The following KDM5B variants were observed in gnomAD, a reference collection of about 807,000 sequenced individuals.
KDM5B encodes lysine-specific demethylase 5B.
In KDM5B, 144 loss-of-function variants were observed where a neutral mutation model predicts 193.4. That is an observed-to-expected ratio of 0.74 (90% confidence interval 0.65 to 0.86). The LOEUF (loss-of-function observed/expected upper bound fraction) is 0.86, where lower values mean the gene tolerates loss of function less well. Among genes scored for constraint, KDM5B ranks in the 40% least tolerant of loss-of-function variants. KDM5B has a pLI of 0.00. For synonymous variants in KDM5B, 668 were observed against 682.6 expected, an observed-to-expected ratio of 0.98 and a Z score of 0.33; for missense variants, 1,833 against 1,886.9, an observed-to-expected ratio of 0.97 and a Z score of 0.53.
intron 8 of KDM5B, among the ~76,000 whole-genome samples, chr1:202,759,716 C>T (rs533990530): frequency 6.6e-6 from 1 of 152,080 alleles, no homozygotes; most frequent in South Asian, 2.1e-4. Flanking sequence ...TAATGTAGCT[C>T]CATTTGTTTA....
intron 4 of KDM5B, among the ~76,000 whole-genome samples, chr1:202,771,592 A>T (rs1021177942): frequency 4.9e-5 from 7 of 143,484 alleles, no homozygotes; most frequent in Non-Finnish European, 9.2e-5. Flanking sequence ...TATTTTATTT[A>T]TTTTTTTTGA....
intron 14 of KDM5B, 100 bp from the exon 15 acceptor site, chr1:202,746,423 AGCTTTACC>A: frequency 7.0e-6 from 5 of 719,182 alleles, no homozygotes; most frequent in Non-Finnish European, 8.5e-6. Flanking sequence ...AAAAAAAAAA[AGCTTTACC>A]AAAATAGGGA....
At chr1:202,794,878 G>A (rs1257882749) in intron 1 of KDM5B, among the ~76,000 whole-genome samples, 3 of 152,120 alleles carry the variant, frequency 2.0e-5, no homozygotes, top group Non-Finnish European at 2.9e-5. Flanking sequence ...ATTAGGCACA[G>A]TTAGAGATTA....
At chr1:202,807,648 CCCCCA>C (rs1658358928) in intron 1 of KDM5B, among the ~76,000 whole-genome samples, 1 of 143,692 alleles carries the variant, frequency 7.0e-6, no homozygotes, top group Non-Finnish European at 1.5e-5. Flanking sequence ...AAGTCCCCCA[CCCCCA>C]CCCCACCCCA....
Position 202,725,821 on chromosome 1 carries a change from T to C in KDM5B, c.*3215A>G, listed in dbSNP as rs940701938. 2 of 152,240 alleles carry C rather than the reference T, an allele frequency of 1.3e-5. No individual in the cohort carries two copies. Among genetic ancestry groups the C allele is most frequent in the African/African-American group, 2.4e-5 (1 of 41,448 alleles). 9.4% of individuals were successfully genotyped at this position (152,240 alleles called of 1,614,324 possible). On this transcript the variant is annotated 3_prime_UTR_variant, in exon 27 of 27. Transcript: ENST00000367265. ...AATTCTGTCTCCTGTTACAGGTATA[T>C]AGCATCTGGAATCCATTCCGGTATG...
At chr1:202,729,335 C>T in intron 26 of KDM5B, 162 bp from the exon 27 acceptor site, 1 of 736,358 alleles carries the variant, frequency 1.4e-6, no homozygotes, top group Non-Finnish European at 2.2e-6. Flanking sequence ...TAGCTGGCCC[C>T]CTAGCCAAAG....
At chr1:202,742,944 A>G in intron 16 of KDM5B, 139 bp from the exon 17 acceptor site, 1 of 734,618 alleles carries the variant, frequency 1.4e-6, no homozygotes. Context: ...TAAATTATTA[A>G]CAAATTTGTT....
intron 13 of KDM5B, 64 bp downstream of exon 13, chr1:202,750,595 T>C: frequency 6.4e-7 from 1 of 1,568,634 alleles, no homozygotes; most frequent in Non-Finnish European, 8.7e-7. Flanking sequence ...TTTAAAACAT[T>C]ATATTCCATT....
rs1656306180 is a variant in KDM5B, at chr1:202,762,808, T to A, written c.809A>T (p.Glu270Val). The A allele has an allele frequency of 6.4e-7, 1 of 1,560,170 alleles. No individual in the cohort carries two copies. Among genetic ancestry groups the A allele is most frequent in the Admixed American group, 1.7e-5 (1 of 59,846 alleles). ...CTTGATGCTACTCTTCATTTCTTTCTCTGTAGGAGGCAATCCAAAATTAGC... is the reference window on the plus strand; with the variant it reads ...CTTGATGCTACTCTTCATTTCTTTCACTGTAGGAGGCAATCCAAAATTAGC... Reference protein sequence around the residue: ...MGCPTPKCENEKEMKSSIKQE... With the variant: ...MGCPTPKCENVKEMKSSIKQE... Residue 270 changes from glutamate (E) to valine (V), a missense_variant and splice_region_variant, in exon 7 of 27, where the codon GAG (glutamate) becomes GTG (valine). Physicochemically the swap from Glu to Val is moderately radical, Grantham distance 121. This residue lies in a region of KDM5B where 355 missense variants were observed against 374.9 expected (regional missense o/e 0.95). Transcript: ENST00000367265.
chr1:202,782,209 G>C (rs984270694), intron 1 of KDM5B, among the ~76,000 whole-genome samples: 1 of 152,136 alleles, frequency 6.6e-6, no homozygotes, highest in Non-Finnish European at 1.5e-5. Context: ...TATAAAGAAT[G>C]AGAGAAGAGA....
Position 202,756,355 on chromosome 1 carries a change from T to C in KDM5B, c.1356+3A>G. On this transcript the variant is annotated splice_donor_region_variant and intron_variant, in intron 10 of 26. Coordinates refer to ENST00000367265, the MANE Select transcript of KDM5B (RefSeq NM_006618.5). ...TCAATTTCCAAGCCACTTATATGCC[T>C]ACCTCTTCCTCAGGTGAGAGTTTGA... is the stretch of plus-strand genomic sequence containing the variant. 3 of 1,602,416 alleles carry C rather than the reference T, an allele frequency of 1.9e-6. No homozygotes were observed. The highest frequency in any genetic ancestry group is 2.2e-5 in the East Asian group (1 of 44,722).
rs1654977656 is a variant in KDM5B, at chr1:202,733,626, T to C, written c.3684A>G (p.Pro1228=). 5.0e-6 allele frequency: 8 copies of C among 1,614,010 alleles called. No homozygotes were observed. Among genetic ancestry groups the C allele is most frequent in the Admixed American group, 3.3e-5 (2 of 59,982 alleles). The stretch of plus-strand genomic sequence containing the variant: ...CGAGCAGGGGCAGAATTTTCTCTAA[T>C]GGAGGTTTCTCTGACCTCCGACAAT... ...CPHCRRSEKP[P]LEKILPLLAS... is the part of the protein sequence containing the mutation. The change falls in exon 23 of 27, where the codon CCA becomes CCG. Residue 1228 remains proline, a synonymous_variant. Transcript: ENST00000367265.
At position 202,762,251 on chromosome 1, in the gene KDM5B, TCTTC is replaced by T. The variant is rs1656280943; in HGVS notation, c.918+444_918+447del. Reference sequence around the variant, plus strand: ...TCCTTTTCATTCCTTCCTTCCTTCCTCTTCCTTCTTCCTTTCTCTTTTTTGTTCC... The same window carrying T: ...TCCTTTTCATTCCTTCCTTCCTTCCTCTTCTTCCTTTCTCTTTTTTGTTCC... On this transcript the variant is annotated intron_variant, in intron 7 of 26. Transcript: ENST00000367265. Among the ~76,000 whole-genome samples the T allele has an allele frequency of 3.9e-5, 6 of 152,120 alleles. No individual in the cohort carries two copies. The South Asian group carries it at 1.2e-3, about 31-fold the overall frequency.
At chr1:202,760,318 A>T (rs1281666108) in intron 8 of KDM5B, 97 bp downstream of exon 8, 10 of 902,768 alleles carry the variant, frequency 1.1e-5, no homozygotes, top group African/African-American at 1.8e-5. Flanking sequence ...CTTGTCTAAA[A>T]AAAATAAAAT....
rs369066905 is a variant in KDM5B, at chr1:202,735,621, T to C, written c.3265-34A>G. 5.0e-6 allele frequency: 8 copies of C among 1,591,860 alleles called. No homozygotes were observed. The African/African-American group carries it at 9.5e-5, about 19-fold the overall frequency. ...GGACAAGGCACAACCAATGGTAAAA[T>C]AAATTTCAGATAAAGCATTATGTAG... On this transcript the variant is annotated intron_variant, in intron 21 of 26. Coordinates refer to ENST00000367265, the MANE Select transcript of KDM5B (RefSeq NM_006618.5).
At chr1:202,787,733 A>C (rs1007598049) in intron 1 of KDM5B, among the ~76,000 whole-genome samples, 3 of 152,026 alleles carry the variant, frequency 2.0e-5, no homozygotes, top group African/African-American at 7.2e-5. Flanking sequence ...AAAAAAAAAA[A>C]ATACAAAAAA....
At chr1:202,767,776 GTC>G (rs1346116621) in intron 4 of KDM5B, among the ~76,000 whole-genome samples, 2 of 152,048 alleles carry the variant, frequency 1.3e-5, no homozygotes, top group Non-Finnish European at 2.9e-5. Context: ...GGCCATAACA[GTC>G]TCAAGGCATT....
At chr1:202,806,757 T>A (rs1490018831) in intron 1 of KDM5B, 2 of 151,916 alleles carry the variant, frequency 1.3e-5, no homozygotes, top group Non-Finnish European at 2.9e-5. Context: ...CAAAATGTCA[T>A]TACAAAAAGC....
At chr1:202,804,858 T>G (rs1658220647) in intron 1 of KDM5B, among the ~76,000 whole-genome samples, 1 of 129,238 alleles carries the variant, frequency 7.7e-6, no homozygotes, top group African/African-American at 2.8e-5. Flanking sequence ...AGAGCAAAAT[T>G]CCGTCTCAAA....
Sources: gnomAD v4.1 joint callset for allele counts (sites outside exome capture counted in the v4.1 genomes callset) on GRCh38, gnomAD v4.1.1 for gene constraint, gnomAD v4.1.1 regional missense constraint, MANE v1.5 for transcripts, NCBI Gene and HGNC (gene_info 2026-07-23, HGNC 2026-07-21) for gene names.